The following PKNOX2 variants were observed in gnomAD, a reference collection of about 807,000 sequenced individuals.
PKNOX2 encodes homeobox protein PKNOX2.
A neutral mutation model predicts 53.1 loss-of-function variants in PKNOX2; 14 were observed. The ratio of observed to expected loss-of-function variants is 0.26; its 90% CI spans 0.17 to 0.41. PKNOX2 has a LOEUF of 0.41. Ranked by LOEUF, PKNOX2 falls within the 10% of genes least tolerant of loss-of-function variation. PKNOX2 has a pLI of 1.00. For missense variants in PKNOX2, 496 were observed against 602.8 expected, an observed-to-expected ratio of 0.82 and a Z score of 1.85; for synonymous variants, 257 against 242.8, an observed-to-expected ratio of 1.06 and a Z score of -0.54.
rs188356182 is a variant in PKNOX2 at position 125,227,297 on chromosome 11, C to T, written c.-200-7748C>T. 1.1e-3 allele frequency among the ~76,000 whole-genome samples: 173 copies of T among 152,192 alleles called. 1 individual carries two copies. Among genetic ancestry groups the T allele is most frequent in the Non-Finnish European group, 2.1e-3 (143 of 68,010 alleles). ...AAGTATATTCGCATTGTTGTGCAAC[C>T]ATCACTGCCATCCATCCACAGAACG... On this transcript the variant is annotated intron_variant, in intron 1 of 12. Coordinates refer to ENST00000298282, the MANE Select transcript of PKNOX2 (RefSeq NM_001382323.2).
At chr11:125,187,160 T>C (rs1055339469) in intron 1 of PKNOX2, among the ~76,000 whole-genome samples, 1 of 152,214 alleles carries the variant, frequency 6.6e-6, no homozygotes, top group African/African-American at 2.4e-5. Context: ...TTTCCAACTT[T>C]GTTCCTCTTT....
Position 125,410,272 on chromosome 11 carries a change from C to T in PKNOX2, c.665C>T (p.Ala222Val), listed in dbSNP as rs201804321. The change falls in exon 8 of 13, where the codon GCG becomes GTG. Residue 222 changes from alanine to valine, a missense_variant. Transcript: ENST00000298282. ...CAGGGGATTGTGGTCCCAGCCTCAGCGCTCCAGCAGGGCAACATCGCCATG... is the reference window on the plus strand; with the variant it reads ...CAGGGGATTGTGGTCCCAGCCTCAGTGCTCCAGCAGGGCAACATCGCCATG... ...NPQGIVVPASALQQGNIAMTT... is the reference protein window; with the variant it reads ...NPQGIVVPASVLQQGNIAMTT... 2.2e-5 allele frequency: 35 copies of T among 1,614,036 alleles called. No individual in the cohort carries two copies. The highest frequency in any genetic ancestry group is 1.6e-4 in the South Asian group (15 of 91,072).
At chr11:125,414,947 T>G (rs1397112122) in intron 10 of PKNOX2, among the ~76,000 whole-genome samples, 1 of 152,160 alleles carries the variant, frequency 6.6e-6, no homozygotes, top group East Asian at 1.9e-4. Flanking sequence ...ATAGCTGATT[T>G]GTTGTTTTCA....
intron 10 of PKNOX2, among the ~76,000 whole-genome samples, chr11:125,419,022 C>T (rs1171019903): frequency 6.6e-6 from 1 of 151,938 alleles, no homozygotes; most frequent in Non-Finnish European, 1.5e-5. Context: ...GGTTGACTCT[C>T]TCTAGCTGTA....
At position 125,240,658 on chromosome 11, in the gene PKNOX2, T is replaced by G. The variant is rs1943076114; in HGVS notation, c.-130+5543T>G. On this transcript the variant is annotated intron_variant, in intron 2 of 12. Coordinates refer to ENST00000298282, the MANE Select transcript of PKNOX2 (RefSeq NM_001382323.2). This position sits in a 1 kb window ranked among gnomAD's most constrained non-coding sequence, Gnocchi z 4.3. The stretch of plus-strand genomic sequence containing the variant: ...GATTTCCCTCTTTTTTCTTTCTCTG[T>G]GGTGCCTGTCACTTCCACCATTACC... Among the ~76,000 whole-genome samples, 1 of 152,210 alleles carries G rather than the reference T, an allele frequency of 6.6e-6. No individual in the cohort carries two copies. Among genetic ancestry groups the G allele is most frequent in the South Asian group, 2.1e-4 (1 of 4,816 alleles).
intron 1 of PKNOX2, among the ~76,000 whole-genome samples, chr11:125,212,408 C>A (rs1000929270): frequency 2.6e-5 from 4 of 151,236 alleles, no homozygotes; most frequent in African/African-American, 9.7e-5. Flanking sequence ...TCTGATGTGG[C>A]CCCGACAGGT....
At chr11:125,416,006 AG>A (rs1955851688) in intron 10 of PKNOX2, among the ~76,000 whole-genome samples, 1 of 152,234 alleles carries the variant, frequency 6.6e-6, no homozygotes, top group African/African-American at 2.4e-5. Context: ...CCACCTCAAT[AG>A]AAAGTGGAAT....
intron 2 of PKNOX2, among the ~76,000 whole-genome samples, chr11:125,287,105 G>GA (rs1946956827): frequency 6.6e-6 from 1 of 152,178 alleles, no homozygotes; most frequent in South Asian, 2.1e-4. Context: ...TTGACAGTCT[G>GA]ATGACATTAA....
chr11:125,290,123 T>A (rs1947214932), intron 2 of PKNOX2, among the ~76,000 whole-genome samples: 1 of 151,996 alleles, frequency 6.6e-6, no homozygotes, highest in African/African-American at 2.4e-5. Context: ...TAAAGGGGAA[T>A]GAGGTCTCTG....
chr11:125,401,792 T>C (rs2135482538), intron 7 of PKNOX2, among the ~76,000 whole-genome samples: 1 of 148,494 alleles, frequency 6.7e-6, no homozygotes, highest in South Asian at 2.1e-4. Flanking sequence ...TGTGTGTGTA[T>C]GTGTGTGCAC....
chr11:125,225,728 G>A (rs1322405282), intron 1 of PKNOX2, among the ~76,000 whole-genome samples: 1 of 152,192 alleles, frequency 6.6e-6, no homozygotes, highest in Non-Finnish European at 1.5e-5. Flanking sequence ...TTCCCCTGAT[G>A]CATCTTCAGT....
intron 1 of PKNOX2, among the ~76,000 whole-genome samples, chr11:125,211,926 C>T (rs1038956170): frequency 3.9e-5 from 6 of 152,052 alleles, no homozygotes; most frequent in Non-Finnish European, 5.9e-5. Context: ...GGACAAGTCA[C>T]GATGTATTTG....
rs1943076665 is a variant in PKNOX2 at position 125,240,662 on chromosome 11, G to A, written c.-130+5547G>A. 6.6e-6 allele frequency among the ~76,000 whole-genome samples: 1 copy of A among 152,234 alleles called. No individual in the cohort carries two copies. Among genetic ancestry groups the A allele is most frequent in the African/African-American group, 2.4e-5 (1 of 41,550 alleles). ...TCCCTCTTTTTTCTTTCTCTGTGGT[G>A]CCTGTCACTTCCACCATTACCCATT... On this transcript the variant is annotated intron_variant, in intron 2 of 12. Transcript: ENST00000298282. This position sits in a 1 kb window ranked among gnomAD's most constrained non-coding sequence, Gnocchi z 4.3.
At chr11:125,182,788 C>T (rs889138941) in intron 1 of PKNOX2, among the ~76,000 whole-genome samples, 2 of 152,130 alleles carry the variant, frequency 1.3e-5, no homozygotes, top group African/African-American at 4.8e-5. Context: ...CAGAGAAGGG[C>T]CTGGGGAAGG....
chr11:125,202,033 C>T (rs529926080), intron 1 of PKNOX2, among the ~76,000 whole-genome samples: 9 of 152,328 alleles, frequency 5.9e-5, no homozygotes, highest in East Asian at 1.9e-4. Context: ...TTTGCTAGGC[C>T]GGCTTAAAGA....
intron 2 of PKNOX2, among the ~76,000 whole-genome samples, chr11:125,261,767 C>T (rs1216159152): frequency 6.6e-6 from 1 of 152,198 alleles, no homozygotes; most frequent in Non-Finnish European, 1.5e-5. Flanking sequence ...GCTCCAATGC[C>T]GCTCTTTCCG....
intron 11 of PKNOX2, 54 bp from the exon 12 acceptor site, chr11:125,429,909 C>T (rs1400715754): frequency 1.9e-6 from 3 of 1,563,306 alleles, no homozygotes; most frequent in South Asian, 2.4e-5. Flanking sequence ...CCTGCCCCCA[C>T]CCCAAGGCCA....
At chr11:125,274,088 A>G (rs1945997752) in intron 2 of PKNOX2, among the ~76,000 whole-genome samples, 1 of 152,186 alleles carries the variant, frequency 6.6e-6, no homozygotes, top group Admixed American at 6.5e-5. Context: ...CTTAGTGTGT[A>G]TTCTGTGCCT....
intron 3 of PKNOX2, among the ~76,000 whole-genome samples, chr11:125,334,043 A>G (rs1950296008): frequency 6.6e-6 from 1 of 152,138 alleles, no homozygotes; most frequent in South Asian, 2.1e-4. Flanking sequence ...CTAGGAAGAC[A>G]TAGGAGGAGG....
Sources: allele counts gnomAD v4.1 joint callset (sites outside exome capture counted in the v4.1 genomes callset), GRCh38; gene constraint gnomAD v4.1.1; non-coding constraint Gnocchi (gnomAD v3.1); transcripts MANE v1.5; gene names NCBI Gene and HGNC (gene_info 2026-07-23, HGNC 2026-07-21).